CRYBG1: variants seen among roughly 807,000 people sequenced by gnomAD.
CRYBG1 encodes beta/gamma crystallin domain-containing protein 1.
A neutral mutation model predicts 189.2 loss-of-function variants in CRYBG1; 139 were observed. The observed-to-expected ratio is 0.73, with a 90% CI of 0.64 to 0.85. The LOEUF is 0.85. Among genes scored for constraint, CRYBG1 ranks in the 40% least tolerant of loss-of-function variants. CRYBG1 has a pLI of 0.00. For missense variants in CRYBG1, 2,611 were observed against 2,675.8 expected (o/e 0.98, Z 0.53); for synonymous variants, 1,023 against 1,017.1 (o/e 1.01, Z -0.11).
chr6:106,376,246 C>A (rs562823052), intron 1 of CRYBG1, among the ~76,000 whole-genome samples: 5 of 152,224 alleles, frequency 3.3e-5, no homozygotes, highest in African/African-American at 9.6e-5. Flanking sequence ...TTTTTCATTT[C>A]ACATTTTATC....
chr6:106,377,619 TTTTA>T (rs1562290410), intron 1 of CRYBG1, among the ~76,000 whole-genome samples: 8,449 of 122,324 alleles, frequency 0.069, 461 homozygotes, highest in Non-Finnish European at 0.075. Context: ...AGTCCTAAGG[TTTTA>T]TATATATATA....
At position 106,547,207 on chromosome 6, in the gene CRYBG1, CACACA is replaced by C. The variant is rs1279213672; in HGVS notation, c.5312+2275_5312+2279del. Among the ~76,000 whole-genome samples the C allele has an allele frequency of 9.5e-3, 226 of 23,846 alleles. 1 individual carries two copies. The highest frequency in any genetic ancestry group is 0.058 in the South Asian group (15 of 258). The allele number at this position is 23,846 out of a possible 152,430, so 15.6% of individuals were successfully genotyped here. A position where few individuals can be genotyped will look rare whatever the true frequency, so the allele number is the denominator to read the frequency against. On this transcript the variant is annotated intron_variant, in intron 13 of 21. Coordinates refer to ENST00000633556, the MANE Select transcript of CRYBG1 (RefSeq NM_001371242.2). ...ACGTGGACACACACACACACACACA[CACACA>C]CCACTTCCTTTGAAATTCTTTGCAT...
In CRYBG1 at chr6:106,511,887, C is replaced by T. The variant is rs1295157253; in HGVS notation, c.770C>T (p.Ser257Phe). The T allele has an allele frequency of 2.6e-6, 4 of 1,521,058 alleles. No homozygotes were observed. Among genetic ancestry groups the T allele is most frequent in the South Asian group, 1.2e-5 (1 of 82,692 alleles). 94.2% of individuals were successfully genotyped at this position (1,521,058 alleles called of 1,614,324 possible). Residue 257 changes from serine (S) to phenylalanine (F), a missense_variant, in exon 3 of 22, where the codon TCC becomes TTC. Transcript: ENST00000633556. ...DATTTAKQLH[S>F]SPGNSSRQEN... ...ACCACCACTGCCAAGCAGCTGCATT[C>T]CTCGCCGGGAAATTCCTCCAGGCAA...
chr6:106,462,682 A>G (rs535605852), intron 2 of CRYBG1, among the ~76,000 whole-genome samples: 1 of 152,334 alleles, frequency 6.6e-6, no homozygotes, highest in Non-Finnish European at 1.5e-5. Context: ...TATTTGAATC[A>G]TATGGTAATA....
intron 2 of CRYBG1, among the ~76,000 whole-genome samples, chr6:106,483,402 A>ATATATATATATGTGTATATATATAT (rs1361096436): frequency 1.1e-5 from 1 of 88,308 alleles, no homozygotes; most frequent in Non-Finnish European, 2.9e-5. Flanking sequence ...ATATATATAT[A>ATATATATATATGTGTATATATATAT]AAACATTTTC....
At chr6:106,531,224 A>C (rs1773870203) in intron 8 of CRYBG1, among the ~76,000 whole-genome samples, 1 of 152,188 alleles carries the variant, frequency 6.6e-6, no homozygotes, top group African/African-American at 2.4e-5. Flanking sequence ...TCTTAGAAAA[A>C]TAATTTGCTT....
At chr6:106,551,786 T>C in intron 13 of CRYBG1, 66 bp from the exon 14 acceptor site, 2 of 1,498,932 alleles carry the variant, frequency 1.3e-6, no homozygotes, top group South Asian at 2.4e-5. Context: ...TACATAGATA[T>C]CCAAATATGT....
At chr6:106,411,286 G>C (rs1770923933) in intron 1 of CRYBG1, among the ~76,000 whole-genome samples, 1 of 152,150 alleles carries the variant, frequency 6.6e-6, no homozygotes, top group Admixed American at 6.6e-5. Context: ...ACCTACTTTT[G>C]ATTGGGAAAA....
Position 106,568,558 on chromosome 6 carries a change from T to C in CRYBG1, c.6388T>C (p.Tyr2130His). ...FTQVWEAMVL[Y>H]T ...ACAAGTGTGGGAAGCCATGGTCCTA[T>C]ATACCTGAACAAAGAAGGAAGAAGA... Residue 2130 changes from tyrosine (Y) to histidine (H), a missense_variant, in exon 22 of 22, where the codon TAT becomes CAT. Around this residue, in one of 3 missense-constraint regions of CRYBG1, gnomAD observed 1,622 missense variants for 1,735.0 expected, o/e 0.93. Coordinates refer to ENST00000633556, the MANE Select transcript of CRYBG1 (RefSeq NM_001371242.2). 1.9e-6 allele frequency: 3 copies of C among 1,607,716 alleles called. No homozygotes were observed. Among genetic ancestry groups the C allele is most frequent in the Non-Finnish European group, 2.6e-6 (3 of 1,174,280 alleles).
At chr6:106,363,114 C>G (rs2787517) in intron 1 of CRYBG1, among the ~76,000 whole-genome samples, 99,627 of 149,684 alleles carry the variant, frequency 0.67, 33,339 homozygotes, top group African/African-American at 0.73. Context: ...CATGGTGGCG[C>G]GCGCCTGTAG....
At chr6:106,365,304 G>T (rs547391433) in intron 1 of CRYBG1, among the ~76,000 whole-genome samples, 10 of 152,158 alleles carry the variant, frequency 6.6e-5, no homozygotes, top group African/African-American at 1.9e-4. Context: ...GCGGACGCCT[G>T]TAATCATAGC....
chr6:106,445,191 C>G (rs925925003), intron 1 of CRYBG1, among the ~76,000 whole-genome samples: 4 of 152,186 alleles, frequency 2.6e-5, no homozygotes, highest in Non-Finnish European at 5.9e-5. Flanking sequence ...ATACCTGTAA[C>G]TTTGAGGATG....
At chr6:106,456,868 C>G (rs1331605192) in intron 2 of CRYBG1, among the ~76,000 whole-genome samples, 1 of 152,112 alleles carries the variant, frequency 6.6e-6, no homozygotes, top group Non-Finnish European at 1.5e-5. Flanking sequence ...TGCTCCATCC[C>G]CTGGGCCATA....
intron 2 of CRYBG1, among the ~76,000 whole-genome samples, chr6:106,462,476 A>G (rs1473762225): frequency 6.6e-6 from 1 of 152,212 alleles, no homozygotes; most frequent in Non-Finnish European, 1.5e-5. Context: ...AGTTTTAAAC[A>G]GTGTTTTTGC....
chr6:106,375,415 A>AAGTG (rs1440438473), intron 1 of CRYBG1, among the ~76,000 whole-genome samples: 1 of 122,940 alleles, frequency 8.1e-6, no homozygotes, highest in Non-Finnish European at 1.6e-5. Context: ...GTAAGTAAGT[A>AAGTG]AGTAAGTAAA....
chr6:106,524,253 T>C (rs1476894131), intron 4 of CRYBG1, among the ~76,000 whole-genome samples: 1 of 152,214 alleles, frequency 6.6e-6, no homozygotes, highest in Non-Finnish European at 1.5e-5. Flanking sequence ...TATTGAAATG[T>C]ATTTTGTCTA....
chr6:106,367,056 T>G (rs1772014542), intron 1 of CRYBG1, among the ~76,000 whole-genome samples: 1 of 152,216 alleles, frequency 6.6e-6, no homozygotes, highest in Non-Finnish European at 1.5e-5. Flanking sequence ...AAGGCTAAAC[T>G]TTCTACTTGA....
chr6:106,452,264 A>AT (rs1491554176), intron 2 of CRYBG1, among the ~76,000 whole-genome samples: 2,168 of 140,424 alleles, frequency 0.015, 68 homozygotes, highest in African/African-American at 0.053. Context: ...AAAAAAAAAA[A>AT]ACAAAAAAAT....
chr6:106,545,058 C>G, intron 13 of CRYBG1, 125 bp downstream of exon 13: 5 of 764,060 alleles, frequency 6.5e-6, no homozygotes, highest in Non-Finnish European at 1.0e-5. Flanking sequence ...AACATTAAAT[C>G]AGTCATTTAA....
Sources: gnomAD v4.1 joint callset for allele counts (sites outside exome capture counted in the v4.1 genomes callset) on GRCh38, gnomAD v4.1.1 for gene constraint, gnomAD v4.1.1 regional missense constraint, MANE v1.5 for transcripts, NCBI Gene and HGNC (gene_info 2026-07-23, HGNC 2026-07-21) for gene names.